Variants in PRELID2 observed in about 807,000 individuals in gnomAD.
PRELID2 encodes PRELI domain-containing protein 2.
In PRELID2, 25 loss-of-function variants were observed where a neutral mutation model predicts 28.4. That is an observed-to-expected ratio of 0.88 (90% CI 0.64 to 1.23). The LOEUF (loss-of-function observed/expected upper bound fraction) is 1.23. Ranked by LOEUF, PRELID2 falls within the 50% of genes most tolerant of loss-of-function variation. PRELID2 has a pLI of 0.00. For synonymous variants in PRELID2, 76 were observed against 71.6 expected (o/e 1.06, Z -0.31); for missense variants, 201 against 214.4 (o/e 0.94, Z 0.39).
intron 5 of PRELID2, among the ~76,000 whole-genome samples, chr5:145,789,395 G>GA (rs1752219753): frequency 1.3e-5 from 2 of 152,132 alleles, no homozygotes; most frequent in South Asian, 2.1e-4. Context: ...CACACAATGG[G>GA]AAAAAAACCA....
the PRELID2 span, among the ~76,000 whole-genome samples, chr5:145,281,896 T>C: frequency 6.6e-6 from 1 of 152,218 alleles, no homozygotes; most frequent in African/African-American, 2.4e-5. Flanking sequence ...AATAGTTGTT[T>C]AACCTCTCTA....
intron 1 of PRELID2, among the ~76,000 whole-genome samples, chr5:145,591,055 G>A (rs539121329): frequency 6.6e-6 from 1 of 152,136 alleles, no homozygotes; most frequent in African/African-American, 2.4e-5. Flanking sequence ...CAGCACTTCA[G>A]GAGGCTGAGG....
chr5:145,584,657 T>A (rs973744639), intron 1 of PRELID2, among the ~76,000 whole-genome samples: 1 of 145,674 alleles, frequency 6.9e-6, no homozygotes, highest in African/African-American at 2.8e-5. Context: ...AAGAAGACAT[T>A]CACGCATTCA....
the PRELID2 span, among the ~76,000 whole-genome samples, chr5:145,378,024 G>C: frequency 1.3e-5 from 2 of 152,206 alleles, no homozygotes; most frequent in Admixed American, 1.3e-4. Context: ...TGTCTGAAAA[G>C]GATGTTATTT....
chr5:145,471,896 C>T (rs1752057659), exon 3 of PRELID2: 1 of 152,080 alleles, frequency 6.6e-6, no homozygotes, highest in African/African-American at 2.4e-5. Context: ...CACAATGGGA[C>T]AACAAAGAAG....
intron 1 of PRELID2, among the ~76,000 whole-genome samples, chr5:145,637,083 C>A (rs1754013566): frequency 6.6e-6 from 1 of 151,822 alleles, no homozygotes; most frequent in South Asian, 2.1e-4. Flanking sequence ...GGTTTAGACC[C>A]AAAGACTCTT....
chr5:145,618,136 C>T (rs929715641), intron 1 of PRELID2, among the ~76,000 whole-genome samples: 1 of 152,228 alleles, frequency 6.6e-6, no homozygotes, highest in East Asian at 1.9e-4. Flanking sequence ...TTCTCTGGTG[C>T]CTTCCTGATT....
chr5:145,298,566 T>C, the PRELID2 span, among the ~76,000 whole-genome samples: 4 of 152,162 alleles, frequency 2.6e-5, no homozygotes, highest in African/African-American at 9.6e-5. Flanking sequence ...TAGGTGGGAT[T>C]ACTGCCATCA....
chr5:145,468,352 T>C (rs1208670475), downstream of PRELID2, among the ~76,000 whole-genome samples: 1 of 152,200 alleles, frequency 6.6e-6, no homozygotes, highest in Non-Finnish European at 1.5e-5. Flanking sequence ...GTCTTTGCTA[T>C]TGTGAATAGT....
chr5:145,426,622 ATTAT>A, the PRELID2 span, among the ~76,000 whole-genome samples: 1 of 152,180 alleles, frequency 6.6e-6, no homozygotes, highest in Non-Finnish European at 1.5e-5. Context: ...ATTTGCATTC[ATTAT>A]TTATTTAATT....
chr5:145,817,447 A>ATATC (rs1293005630), intron 4 of PRELID2, among the ~76,000 whole-genome samples: 48 of 130,252 alleles, frequency 3.7e-4, no homozygotes, highest in Non-Finnish European at 8.5e-5. Context: ...ATATATATAT[A>ATATC]TCACATGGTT....
At chr5:145,494,237 T>C (rs1393277096) in intron 1 of PRELID2, among the ~76,000 whole-genome samples, 1 of 152,206 alleles carries the variant, frequency 6.6e-6, no homozygotes, top group Admixed American at 6.6e-5. Flanking sequence ...CCCACTAAAC[T>C]ATATTCTGTG....
the PRELID2 span, among the ~76,000 whole-genome samples, chr5:145,381,842 A>T: frequency 6.6e-6 from 1 of 152,144 alleles, no homozygotes; most frequent in East Asian, 1.9e-4. Context: ...ATCTCTGTAA[A>T]GTATCATCTA....
rs1365517052 is a variant in PRELID2, at chr5:145,817,198, A to AAAATATAT, written c.368+695_368+696insATATATTT. On this transcript the variant is annotated intron_variant, in intron 4 of 6. Coordinates refer to ENST00000683046, the MANE Select transcript of PRELID2 (RefSeq NM_205846.3). Reference sequence around the variant, plus strand: ...AGAGCAAGACTGCATTTCAAAAAAAAATAAATAAATAAATAAAAAAAAATA... The same window carrying AAAATATAT: ...AGAGCAAGACTGCATTTCAAAAAAAAAAATATATATAAATAAATAAATAAAAAAAAATA... 3.9e-3 allele frequency among the ~76,000 whole-genome samples: 269 copies of AAAATATAT among 69,856 alleles called. 3 individuals are homozygous for AAAATATAT. The highest frequency in any genetic ancestry group is 5.9e-3 in the Non-Finnish European group (181 of 30,456). 45.8% of individuals were successfully genotyped at this position (69,856 alleles called of 152,430 possible). A position where few individuals can be genotyped will look rare whatever the true frequency, so the allele number is the denominator to read the frequency against.
chr5:145,783,619 C>G (rs1751781183), intron 5 of PRELID2, among the ~76,000 whole-genome samples: 1 of 152,084 alleles, frequency 6.6e-6, no homozygotes, highest in South Asian at 2.1e-4. Context: ...GTATTATCAA[C>G]AGAGGTAAAT....
At chr5:145,821,058 T>G (rs529429805) in intron 2 of PRELID2, among the ~76,000 whole-genome samples, 6 of 151,998 alleles carry the variant, frequency 3.9e-5, no homozygotes, top group Non-Finnish European at 7.4e-5. Context: ...ATTAGAAGCG[T>G]GCCTTTGCCT....
chr5:145,664,788 T>A (rs1426473065), intron 1 of PRELID2, among the ~76,000 whole-genome samples: 2 of 152,088 alleles, frequency 1.3e-5, no homozygotes, highest in Non-Finnish European at 2.9e-5. Context: ...GCACTGCCTC[T>A]CCAGCAGTAA....
At chr5:145,749,835 G>A (rs1757083132) in intron 1 of PRELID2, among the ~76,000 whole-genome samples, 1 of 152,128 alleles carries the variant, frequency 6.6e-6, no homozygotes, top group Admixed American at 6.5e-5. Context: ...GAAGCTGGAA[G>A]CCAACATTCT....
At chr5:145,635,775 C>T (rs924999881) in intron 1 of PRELID2, among the ~76,000 whole-genome samples, 8 of 152,230 alleles carry the variant, frequency 5.3e-5, no homozygotes, top group Non-Finnish European at 7.3e-5. Flanking sequence ...ACAAACCTTT[C>T]GCCTACTCTG....
Sources: gnomAD v4.1 joint callset for allele counts (sites outside exome capture counted in the v4.1 genomes callset) on GRCh38, gnomAD v4.1.1 for gene constraint, MANE v1.5 for transcripts, NCBI Gene and HGNC (gene_info 2026-07-23, HGNC 2026-07-21) for gene names.